The following STXBP5 variants were observed in gnomAD, a reference collection of about 807,000 sequenced individuals.
The protein encoded by STXBP5 is syntaxin binding protein 5.
Under a neutral mutation model 152.4 loss-of-function variants are expected in STXBP5, and 50 were observed. The ratio of observed to expected loss-of-function variants is 0.33; its 90% CI spans 0.26 to 0.42. STXBP5 has a LOEUF of 0.42. Ranked by LOEUF, STXBP5 falls within the 10% of genes least tolerant of loss-of-function variation. The pLI, the probability that STXBP5 is intolerant of heterozygous loss-of-function variation, is 1.00. For missense variants in STXBP5, 1,167 were observed against 1,388.6 expected (o/e 0.84, Z 2.54); for synonymous variants, 492 against 494.7 (o/e 0.99, Z 0.07).
chr6:147,316,522 T>C (rs1782654558), intron 16 of STXBP5, 115 bp downstream of exon 16: 1 of 957,262 alleles, frequency 1.0e-6, no homozygotes, highest in African/African-American at 1.7e-5. Context: ...GGCATAAGAA[T>C]GGTTCTTCCT....
intron 7 of STXBP5, 139 bp downstream of exon 7, chr6:147,267,306 T>C (rs1779942661): frequency 1.6e-6 from 1 of 633,120 alleles, no homozygotes; most frequent in African/African-American, 1.9e-5. Context: ...CAATAGATAA[T>C]ATGTTCACAC....
At chr6:147,311,418 T>C in intron 10 of STXBP5, 37 bp from the exon 11 acceptor site, 1 of 1,577,728 alleles carries the variant, frequency 6.3e-7, no homozygotes, top group South Asian at 1.1e-5. Flanking sequence ...TCCACTTGCA[T>C]TTTTGAAACT....
intron 6 of STXBP5, among the ~76,000 whole-genome samples, chr6:147,262,732 C>G (rs1660687): frequency 6.6e-6 from 1 of 151,398 alleles, no homozygotes; most frequent in Non-Finnish European, 1.5e-5. Flanking sequence ...GATTGCCTTA[C>G]GTTATAGTTG....
At chr6:147,207,083 C>T (rs1582781710) in intron 2 of STXBP5, among the ~76,000 whole-genome samples, 1 of 151,908 alleles carries the variant, frequency 6.6e-6, no homozygotes, top group Non-Finnish European at 1.5e-5. Context: ...AGGAGCTTTA[C>T]CCCTTTATAT....
intron 22 of STXBP5, among the ~76,000 whole-genome samples, chr6:147,358,172 A>G (rs1784894013): frequency 6.6e-6 from 1 of 152,070 alleles, no homozygotes; most frequent in Non-Finnish European, 1.5e-5. Flanking sequence ...GGAAAAAGCT[A>G]AACTTTTATT....
At position 147,372,406 on chromosome 6, in the gene STXBP5, C is replaced by T. The variant is rs1317994378; in HGVS notation, c.3082-1325C>T. ...ATATAAATGTTACTACCGTCCTTTTCCTTTTTTTTTTTTTTTTTTTTTTTT... is the reference window on the plus strand; with the variant it reads ...ATATAAATGTTACTACCGTCCTTTTTCTTTTTTTTTTTTTTTTTTTTTTTT... On this transcript the variant is annotated intron_variant, in intron 25 of 27. Coordinates refer to ENST00000321680, the MANE Select transcript of STXBP5 (RefSeq NM_001127715.4). Among the ~76,000 whole-genome samples the T allele has an allele frequency of 1.0e-4, 4 of 39,108 alleles. 1 individual carries two copies. Among genetic ancestry groups the T allele is most frequent in the East Asian group, 2.2e-3 (2 of 918 alleles). The allele number at this position is 39,108 out of a possible 152,430, so 25.7% of individuals were successfully genotyped here.
intron 4 of STXBP5, among the ~76,000 whole-genome samples, chr6:147,259,879 T>G (rs1779562962): frequency 6.6e-6 from 1 of 152,130 alleles, no homozygotes; most frequent in African/African-American, 2.4e-5. Flanking sequence ...AATGAGCCAG[T>G]ATGAAAACTG....
intron 11 of STXBP5, among the ~76,000 whole-genome samples, chr6:147,313,549 A>T (rs2128373063): frequency 6.6e-6 from 1 of 152,302 alleles, no homozygotes; most frequent in South Asian, 2.1e-4. Flanking sequence ...GCTAGCAGGC[A>T]TGCTTTTGAC....
intron 7 of STXBP5, among the ~76,000 whole-genome samples, chr6:147,274,624 G>A (rs1291198238): frequency 6.6e-6 from 1 of 151,944 alleles, no homozygotes; most frequent in African/African-American, 2.4e-5. Context: ...CTATAAGCAT[G>A]TACTTTATTT....
chr6:147,361,787 T>A (rs1370735731), intron 23 of STXBP5, among the ~76,000 whole-genome samples: 1 of 152,114 alleles, frequency 6.6e-6, no homozygotes, highest in East Asian at 1.9e-4. Context: ...GCTGACCTCA[T>A]CAAAACTTTA....
chr6:147,368,496 A>T (rs1184934776), intron 25 of STXBP5, among the ~76,000 whole-genome samples: 1 of 152,192 alleles, frequency 6.6e-6, no homozygotes, highest in East Asian at 1.9e-4. Context: ...GACATGTAAG[A>T]AAAACCCACA....
intron 2 of STXBP5, among the ~76,000 whole-genome samples, chr6:147,213,434 A>ATATATGTGTGTGTGTGTGTGTGTG (rs1216361619): frequency 4.7e-5 from 4 of 85,534 alleles, no homozygotes; most frequent in African/African-American, 1.3e-4. Context: ...AATTTTATAT[A>ATATATGTGTGTGTGTGTGTGTGTG]TGTGTGTGTG....
At chr6:147,346,542 C>T (rs549622082) in intron 21 of STXBP5, among the ~76,000 whole-genome samples, 10 of 152,210 alleles carry the variant, frequency 6.6e-5, no homozygotes, top group African/African-American at 2.2e-4. Flanking sequence ...AGTTCGAGAC[C>T]AGCCTGGCCA....
intron 2 of STXBP5, among the ~76,000 whole-genome samples, chr6:147,218,389 T>C (rs1308454409): frequency 6.6e-6 from 1 of 152,126 alleles, no homozygotes; most frequent in Non-Finnish European, 1.5e-5. Flanking sequence ...TTTTTTGGGG[T>C]GCTAATATAA....
At chr6:147,332,601 A>G (rs994737894) in intron 18 of STXBP5, among the ~76,000 whole-genome samples, 4 of 152,170 alleles carry the variant, frequency 2.6e-5, no homozygotes, top group Non-Finnish European at 5.9e-5. Flanking sequence ...AAGAGAGAGT[A>G]CCAGTGGTGG....
intron 2 of STXBP5, among the ~76,000 whole-genome samples, chr6:147,215,630 C>T (rs2115056218): frequency 6.6e-6 from 1 of 152,324 alleles, no homozygotes; most frequent in East Asian, 1.9e-4. Context: ...CATCCGCCCA[C>T]CTCAGCCTCC....
At chr6:147,310,814 G>A (rs1248418759) in intron 10 of STXBP5, among the ~76,000 whole-genome samples, 2 of 152,026 alleles carry the variant, frequency 1.3e-5, no homozygotes, top group East Asian at 3.8e-4. Context: ...GAGGGTAATG[G>A]GCTTGACTCA....
chr6:147,238,749 T>G (rs1207403986), intron 3 of STXBP5, among the ~76,000 whole-genome samples: 1 of 152,206 alleles, frequency 6.6e-6, no homozygotes, highest in Admixed American at 6.5e-5. Flanking sequence ...CTGGGTATAG[T>G]ACTTCCATAA....
chr6:147,212,685 A>G (rs558340831), intron 2 of STXBP5, among the ~76,000 whole-genome samples: 2 of 152,258 alleles, frequency 1.3e-5, no homozygotes, highest in East Asian at 3.9e-4. Context: ...ACTCCATACC[A>G]TTGCGGCTCC....
Sources: allele counts gnomAD v4.1 joint callset (sites outside exome capture counted in the v4.1 genomes callset), GRCh38; gene constraint gnomAD v4.1.1; transcripts MANE v1.5; gene names NCBI Gene and HGNC (gene_info 2026-07-23, HGNC 2026-07-21).